The following CD1A variants were observed in gnomAD, a reference collection of about 807,000 sequenced individuals.
CD1A encodes T-cell surface glycoprotein CD1a.
CD1A carries 50 observed loss-of-function variants against 38.3 expected under a neutral mutation model. That is an observed-to-expected ratio of 1.30 (90% CI 1.04 to 1.65). The LOEUF is 1.65. CD1A is among the 40% of genes most tolerant of loss of function. CD1A has a pLI of 0.00. For synonymous variants in CD1A, 160 were observed against 150.8 expected (o/e 1.06, Z -0.45); for missense variants, 459 against 406.1 (o/e 1.13, Z -1.12).
At chr1:158,254,045 T>G (rs1442585123), upstream of CD1A, 3 of 76,800 alleles carry the variant, frequency 3.9e-5, no homozygotes, top group Non-Finnish European at 5.5e-5. Context: ...TTTTTTTTTT[T>G]TTTTTTTTTT....
Position 158,254,506 on chromosome 1 carries a change from T to C in CD1A, c.-164T>C. The C allele has an allele frequency of 3.4e-6, 5 of 1,466,028 alleles. No homozygotes were observed. The South Asian group carries it at 6.9e-5, about 20-fold the overall frequency. 90.8% of individuals were successfully genotyped at this position (1,466,028 alleles called of 1,614,324 possible). ...AGGGAAATGAGAGACTGAGTAGGCA[T>C]CTCAGGGTTTTTGAAGGAGTGGATT... On this transcript the variant is annotated 5_prime_UTR_variant, in exon 1 of 6. Coordinates refer to ENST00000289429, the MANE Select transcript of CD1A (RefSeq NM_001763.3).
rs1261112676 is a variant in CD1A, at chr1:158,256,174, A to C, written c.496A>C (p.Asn166His). The change falls in exon 3 of 6, where the codon AAT becomes CAT. Residue 166 changes from asparagine to histidine, a missense_variant. Transcript: ENST00000289429. ...GGCCAAGCATTTCTGCAAAGTGCTC[A>C]ATCAGAATCAGCATGAAAATGACAT... Reference protein sequence around the residue: ...NMAKHFCKVLNQNQHENDITH... With the variant: ...NMAKHFCKVLHQNQHENDITH... 1 of 1,614,060 alleles carries C rather than the reference A, an allele frequency of 6.2e-7. No homozygotes were observed. Among genetic ancestry groups the C allele is most frequent in the Non-Finnish European group, 8.5e-7 (1 of 1,180,010 alleles).
upstream of CD1A, among the ~76,000 whole-genome samples, chr1:158,251,416 A>G (rs1030830771): frequency 3.3e-5 from 5 of 152,200 alleles, no homozygotes; most frequent in African/African-American, 7.2e-5. Context: ...TGTTGCTGCA[A>G]TAGTCTTCAA....
At chr1:158,249,399 G>A in the CD1A span, among the ~76,000 whole-genome samples, 1 of 152,122 alleles carries the variant, frequency 6.6e-6, no homozygotes, top group East Asian at 1.9e-4. Context: ...TACACTTTCT[G>A]GATGTGTCCT....
upstream of CD1A, among the ~76,000 whole-genome samples, chr1:158,252,357 T>C (rs1309002264): frequency 1.3e-5 from 2 of 152,162 alleles, no homozygotes; most frequent in Non-Finnish European, 2.9e-5. Context: ...AGGGCTTCTA[T>C]ATACTCATGC....
chr1:158,251,646 T>G (rs1650092038), upstream of CD1A, among the ~76,000 whole-genome samples: 1 of 152,194 alleles, frequency 6.6e-6, no homozygotes, highest in Non-Finnish European at 1.5e-5. Context: ...TGGTGCAGTC[T>G]CATTCTTAGG....
At chr1:158,252,419 C>T (rs532025418), upstream of CD1A, among the ~76,000 whole-genome samples, 12 of 152,224 alleles carry the variant, frequency 7.9e-5, no homozygotes, top group African/African-American at 2.9e-4. Context: ...TTCTTACTGG[C>T]TTGTATAATA....
upstream of CD1A, among the ~76,000 whole-genome samples, chr1:158,252,329 C>T (rs1650113204): frequency 6.6e-6 from 1 of 152,000 alleles, no homozygotes; most frequent in South Asian, 2.1e-4. Context: ...TGCGAATTTC[C>T]CTGTTTTTGT....
upstream of CD1A, among the ~76,000 whole-genome samples, chr1:158,252,454 A>G (rs2101628619): frequency 6.6e-6 from 1 of 152,238 alleles, no homozygotes; most frequent in South Asian, 2.1e-4. Context: ...CAAGTAAACA[A>G]GGGTTTGCAT....
At chr1:158,249,666 G>A (rs967553790), upstream of CD1A, among the ~76,000 whole-genome samples, 3 of 152,232 alleles carry the variant, frequency 2.0e-5, no homozygotes, top group Admixed American at 6.5e-5. Context: ...CATTCCTTCT[G>A]AAGTTTCTCT....
chr1:158,254,030 G>GTTT (rs1398850181), upstream of CD1A: 10 of 45,792 alleles, frequency 2.2e-4, no homozygotes, highest in African/African-American at 6.0e-4. Context: ...GTGTTCCTGT[G>GTTT]GTTTTTTTTT....
chr1:158,249,591 G>A (rs550592639), upstream of CD1A, among the ~76,000 whole-genome samples: 2 of 152,294 alleles, frequency 1.3e-5, no homozygotes, highest in Non-Finnish European at 2.9e-5. Flanking sequence ...TCAGAACATA[G>A]CAGGTCTGTA....
In CD1A at chr1:158,255,131, T is replaced by C; in HGVS notation, c.106T>C (p.Tyr36His). The change falls in exon 2 of 6, where the codon TAC becomes CAC. Residue 36 changes from tyrosine (Y) to histidine (H), a missense_variant. By Grantham distance (83) the Tyr-to-His change is moderately conservative. Transcript: ENST00000289429. ...CCATGTCACCTGGATCGCATCCTTT[T>C]ACAACCATTCCTGGAAACAAAATCT... The part of the protein sequence containing the change: ...SFHVTWIASF[Y>H]NHSWKQNLVS... 6.2e-7 allele frequency: 1 copy of C among 1,614,174 alleles called. No individual in the cohort carries two copies. The highest frequency in any genetic ancestry group is 8.5e-7 in the Non-Finnish European group (1 of 1,180,042).
chr1:158,254,805 G>C (rs867090771), intron 1 of CD1A, 78 bp downstream of exon 1: 48,678 of 850,828 alleles, frequency 0.057, 1,462 homozygotes, highest in Non-Finnish European at 0.071. Flanking sequence ...GTGTGTGTGT[G>C]TGTGTGTGTG....
Position 158,254,598 on chromosome 1 carries a change from G to T in CD1A, c.-72G>T, listed in dbSNP as rs1650176489. ...AAAGAAGTCAGAATAGAGATATCGT[G>T]GGGTAGGTTTGTTTGGAACAGAAAT... is the stretch of plus-strand genomic sequence containing the variant. On this transcript the variant is annotated 5_prime_UTR_variant, in exon 1 of 6. Coordinates refer to ENST00000289429, the MANE Select transcript of CD1A (RefSeq NM_001763.3). 2 of 1,610,984 alleles carry T rather than the reference G, an allele frequency of 1.2e-6. No individual in the cohort carries two copies. Among genetic ancestry groups the T allele is most frequent in the Non-Finnish European group, 1.7e-6 (2 of 1,178,760 alleles).
upstream of CD1A, among the ~76,000 whole-genome samples, chr1:158,249,552 A>G (rs564907260): frequency 6.6e-6 from 1 of 152,332 alleles, no homozygotes; most frequent in East Asian, 1.9e-4. Context: ...TAGAATTTCA[A>G]CATATGAATT....
chr1:158,254,031 G>GGTTTTTTTT (rs1650154303), upstream of CD1A: 1 of 53,592 alleles, frequency 1.9e-5, no homozygotes, highest in Non-Finnish European at 2.8e-5. Flanking sequence ...TGTTCCTGTG[G>GGTTTTTTTT]TTTTTTTTTT....
upstream of CD1A, chr1:158,254,265 A>G (rs1427869751): frequency 9.2e-7 from 1 of 1,083,148 alleles, no homozygotes; most frequent in Non-Finnish European, 1.1e-6. Flanking sequence ...AGAGTGATCA[A>G]AAAGAGCAGG....
At chr1:158,251,860 C>CA (rs1553254414), upstream of CD1A, among the ~76,000 whole-genome samples, 1 of 148,746 alleles carries the variant, frequency 6.7e-6, no homozygotes, top group Non-Finnish European at 1.5e-5. Context: ...CAGGTTAGGG[C>CA]TTTTTTTTTT....
Sources: allele counts gnomAD v4.1 joint callset (sites outside exome capture counted in the v4.1 genomes callset), GRCh38; gene constraint gnomAD v4.1.1; transcripts MANE v1.5; gene names NCBI Gene and HGNC (gene_info 2026-07-23, HGNC 2026-07-21).